Variants in DLG5 observed in about 807,000 individuals in gnomAD.
The protein encoded by DLG5 is discs large MAGUK scaffold protein 5.
A neutral mutation model predicts 189.8 loss-of-function variants in DLG5; 48 were observed. The observed-to-expected ratio is 0.25, with a 90% CI of 0.20 to 0.32. The LOEUF is 0.32. Among genes scored for constraint, DLG5 ranks in the 10% least tolerant of loss-of-function variants. DLG5 has a pLI of 1.00. For missense variants in DLG5, 2,160 were observed against 2,544.7 expected (o/e 0.85, Z 3.25); for synonymous variants, 1,016 against 1,054.1 (o/e 0.96, Z 0.70).
At chr10:77,915,961 G>A (rs1170040963) in intron 1 of DLG5, among the ~76,000 whole-genome samples, 1 of 152,194 alleles carries the variant, frequency 6.6e-6, no homozygotes, top group East Asian at 1.9e-4. Context: ...AGAGTCACAT[G>A]TAGGACAGGT....
chr10:77,804,972 CT>C (rs760731177), intron 27 of DLG5, among the ~76,000 whole-genome samples: 1 of 152,084 alleles, frequency 6.6e-6, no homozygotes, highest in East Asian at 1.9e-4. Context: ...CATGCCTTTT[CT>C]TTTTAATTAT....
chr10:77,900,674 C>T (rs1361915266), intron 1 of DLG5, among the ~76,000 whole-genome samples: 3 of 152,170 alleles, frequency 2.0e-5, no homozygotes, highest in East Asian at 1.9e-4. Context: ...CAGTGGCTCA[C>T]ACCTGTAATC....
chr10:77,834,791 C>T (rs1843046462), intron 8 of DLG5, among the ~76,000 whole-genome samples: 1 of 152,108 alleles, frequency 6.6e-6, no homozygotes. Flanking sequence ...GGGGTCTGAG[C>T]AGAAGCAGAC....
At chr10:77,910,303 G>C (rs1846182251) in intron 1 of DLG5, among the ~76,000 whole-genome samples, 1 of 152,222 alleles carries the variant, frequency 6.6e-6, no homozygotes, top group South Asian at 2.1e-4. Context: ...CTCAGCAGCT[G>C]ATGGCCCTGA....
rs149889283 is a variant in DLG5 at position 77,821,655 on chromosome 10, G to A, written c.2829C>T (p.Ser943=). Residue 943 remains serine (S), a synonymous_variant, in exon 15 of 32, where the codon AGC becomes AGT. Transcript: ENST00000372391. ...LDKADSEGSN[S]GGTWPKAMLS... is the part of the protein sequence containing the mutation. ...GCATGGCCTTGGGCCAGGTCCCGCC[G>A]CTGTTGGAGCCTTCAGAGTCTGCCT... The A allele has an allele frequency of 3.3e-5, 54 of 1,612,896 alleles. No homozygotes were observed. In the Middle Eastern group the frequency reaches 4.9e-4, roughly 15 times the overall value.
Position 77,792,249 on chromosome 10 carries a change from G to A in DLG5, c.*191C>T. 2 of 618,298 alleles carry A rather than the reference G, an allele frequency of 3.2e-6. No homozygotes were observed. The highest frequency in any genetic ancestry group is 2.9e-6 in the Non-Finnish European group (1 of 348,590). The allele number at this position is 618,298 out of a possible 1,614,324, so 38.3% of individuals were successfully genotyped here. The stretch of plus-strand genomic sequence containing the variant: ...CACACGTGTGACACGGGCAGAGTGT[G>A]TGGGCCTGGGCCTGGATCGCACGCA... On this transcript the variant is annotated 3_prime_UTR_variant, in exon 32 of 32. Transcript: ENST00000372391.
chr10:77,797,789 C>A (rs1018342280), intron 27 of DLG5, among the ~76,000 whole-genome samples: 2 of 152,144 alleles, frequency 1.3e-5, no homozygotes, highest in Non-Finnish European at 2.9e-5. Flanking sequence ...AAGCACAGTG[C>A]CAGCTGCAGC....
chr10:77,816,778 G>C (rs147247004), intron 19 of DLG5, 77 bp from the exon 20 acceptor site: 5 of 1,540,598 alleles, frequency 3.2e-6, no homozygotes, highest in Non-Finnish European at 4.4e-6. Context: ...AGGCAGGTGC[G>C]ATCCAGACAC....
At chr10:77,850,845 C>T (rs1215811594) in intron 5 of DLG5, among the ~76,000 whole-genome samples, 1 of 152,228 alleles carries the variant, frequency 6.6e-6, no homozygotes, top group Admixed American at 6.5e-5. Flanking sequence ...GTGCCAACCT[C>T]GTGCTTTCTA....
intron 31 of DLG5, chr10:77,792,919 G>A (rs2812429): frequency 0.27 from 67,669 of 252,108 alleles, 9,851 homozygotes; most frequent in Admixed American, 0.4. Flanking sequence ...CAAGAGGAGA[G>A]TCACAGAAAG....
chr10:77,854,711 C>T (rs887203601), intron 3 of DLG5, among the ~76,000 whole-genome samples: 2 of 152,088 alleles, frequency 1.3e-5, no homozygotes, highest in Admixed American at 6.6e-5. Flanking sequence ...GTAGGCTCGG[C>T]GTGACAGCTC....
chr10:77,848,041 CTT>C (rs1843781195), intron 5 of DLG5, among the ~76,000 whole-genome samples: 1 of 152,134 alleles, frequency 6.6e-6, no homozygotes, highest in Non-Finnish European at 1.5e-5. Flanking sequence ...AGGCAGCAGT[CTT>C]TAGAGATGAT....
chr10:77,904,050 T>C lies in DLG5; in HGVS notation c.304+22167A>G, dbSNP rs142719834. Among the ~76,000 whole-genome samples, 41 of 152,342 alleles carry C rather than the reference T, an allele frequency of 2.7e-4. 2 individuals carry two copies. The East Asian group carries it at 5.6e-3, about 21-fold the overall frequency. The stretch of plus-strand genomic sequence containing the variant: ...TCAAGTGTGGTGGTGTGCACCTGTA[T>C]CTCAGCTACTCAGGAGGCTGCAGTG... On this transcript the variant is annotated intron_variant, in intron 1 of 31. Transcript: ENST00000372391.
Position 77,923,820 on chromosome 10 carries a change from G to A in DLG5, c.304+2397C>T, listed in dbSNP as rs532556148. Among the ~76,000 whole-genome samples the A allele has an allele frequency of 2.5e-4, 38 of 152,274 alleles. No homozygotes were observed. The South Asian group carries it at 7.5e-3, about 30-fold the overall frequency. ...ACACACCATGTCACCCTCTTCCCCA[G>A]GGGCTTCAGGTGGCATCTTGCCATA... On this transcript the variant is annotated intron_variant, in intron 1 of 31. Transcript: ENST00000372391.
At chr10:77,867,836 A>G (rs993847611) in intron 2 of DLG5, 5 of 427,046 alleles carry the variant, frequency 1.2e-5, no homozygotes, top group Non-Finnish European at 2.4e-5. Flanking sequence ...ATGGTGAAAT[A>G]GTCTTTACAG....
intron 1 of DLG5, among the ~76,000 whole-genome samples, chr10:77,925,969 C>G (rs914561576): frequency 4.6e-5 from 7 of 152,198 alleles, no homozygotes; most frequent in Admixed American, 2.6e-4. Flanking sequence ...CCCCGGGGAC[C>G]CTGTCGTCGA....
chr10:77,806,904 A>G lies in DLG5; in HGVS notation c.4821T>C (p.Asp1607=). 1 of 1,613,720 alleles carries G rather than the reference A, an allele frequency of 6.2e-7. No individual in the cohort carries two copies. Among genetic ancestry groups the G allele is most frequent in the Non-Finnish European group, 8.5e-7 (1 of 1,179,632 alleles). ...YIRALYDRLA[D]VEQELSFKKD... Reference sequence around the variant, plus strand: ...TCTTAAAGCTCAACTCTTGCTCCACATCTGCCAGCCGGTCGTACAGGGCCC... The same window carrying G: ...TCTTAAAGCTCAACTCTTGCTCCACGTCTGCCAGCCGGTCGTACAGGGCCC... Residue 1607 remains aspartate, a synonymous_variant, in exon 26 of 32, where the codon GAT becomes GAC. Coordinates refer to ENST00000372391, the MANE Select transcript of DLG5 (RefSeq NM_004747.4).
At chr10:77,795,786 TCA>T (rs1840884891) in intron 29 of DLG5, among the ~76,000 whole-genome samples, 1 of 152,014 alleles carries the variant, frequency 6.6e-6, no homozygotes, top group African/African-American at 2.4e-5. Flanking sequence ...CTCAATACTC[TCA>T]TCAGAGATGA....
chr10:77,821,862 C>G lies in DLG5; in HGVS notation c.2622G>C (p.Gly874=), dbSNP rs982808699. The change falls in exon 15 of 32, where the codon GGG becomes GGC. Residue 874 remains glycine, a synonymous_variant. Transcript: ENST00000372391. ...SSSFLHKPFP[G]GPLQVCPQAC... Reference sequence around the variant, plus strand: ...CCTGGGGGCAGACCTGCAAGGGTCCCCCAGGGAATGGCTTATGCAGAAAGG... The same window carrying G: ...CCTGGGGGCAGACCTGCAAGGGTCCGCCAGGGAATGGCTTATGCAGAAAGG... The G allele has an allele frequency of 6.2e-7, 1 of 1,614,066 alleles. No individual in the cohort carries two copies. Among genetic ancestry groups the G allele is most frequent in the Non-Finnish European group, 8.5e-7 (1 of 1,179,960 alleles).
Sources: allele counts gnomAD v4.1 joint callset (sites outside exome capture counted in the v4.1 genomes callset), GRCh38; gene constraint gnomAD v4.1.1; transcripts MANE v1.5; gene names NCBI Gene and HGNC (gene_info 2026-07-23, HGNC 2026-07-21).